The following PAK5 variants were observed in gnomAD, a reference collection of about 807,000 sequenced individuals.
PAK5 encodes the protein serine/threonine-protein kinase PAK 5.
Under a neutral mutation model 65.9 loss-of-function variants are expected in PAK5, and 16 were observed. The observed-to-expected ratio is 0.24, with a 90% CI of 0.16 to 0.37. The LOEUF (loss-of-function observed/expected upper bound fraction) is 0.37. Among genes scored for constraint, PAK5 ranks in the 10% least tolerant of loss-of-function variants. PAK5 has a pLI of 1.00. For synonymous variants in PAK5, 371 were observed against 354.9 expected (o/e 1.05, Z -0.51); for missense variants, 785 against 903.9 (o/e 0.87, Z 1.69).
At chr20:9,743,333 G>A (rs1460634159) in intron 1 of PAK5, among the ~76,000 whole-genome samples, 3 of 151,928 alleles carry the variant, frequency 2.0e-5, no homozygotes, top group Admixed American at 2.0e-4. Flanking sequence ...TTGTGCCACT[G>A]CACTCCAGCA....
chr20:9,829,906 T>G (rs1978570441), intron 1 of PAK5, among the ~76,000 whole-genome samples: 1 of 152,174 alleles, frequency 6.6e-6, no homozygotes, highest in Non-Finnish European at 1.5e-5. Flanking sequence ...CATCCCTTTC[T>G]CTTTCTACCA....
In PAK5 at chr20:9,538,165, T is replaced by A. The variant is rs2045200185; in HGVS notation, c.*1297A>T. ...ATCCAACAAGCAACACAAAATGTAT[T>A]GTAGTAGTCATTCATTTTTATCAAC... On this transcript the variant is annotated 3_prime_UTR_variant, in exon 10 of 10. Transcript: ENST00000353224. 1 of 233,332 alleles carries A rather than the reference T, an allele frequency of 4.3e-6. No individual in the cohort carries two copies. 14.5% of individuals were successfully genotyped at this position (233,332 alleles called of 1,614,324 possible). A position where few individuals can be genotyped will look rare whatever the true frequency, so the allele number is the denominator to read the frequency against.
intron 5 of PAK5, 68 bp downstream of exon 5, chr20:9,565,825 G>C: frequency 6.9e-7 from 1 of 1,454,142 alleles, no homozygotes; most frequent in African/African-American, 1.4e-5. Flanking sequence ...ATGTACATGT[G>C]TATAACTTTT....
chr20:9,584,603 G>A lies in PAK5; in HGVS notation c.205-3673C>T, dbSNP rs564381136. 3.7e-4 allele frequency among the ~76,000 whole-genome samples: 56 copies of A among 152,306 alleles called. 1 individual carries two copies. In the South Asian group the frequency reaches 6.4e-3, roughly 17 times the overall value. ...TGGGATTACAGGCGTGAGCCACAGC[G>A]CCTGGCCTTGTTTACCACTTCTCTA... On this transcript the variant is annotated intron_variant, in intron 3 of 9. Coordinates refer to ENST00000353224, the MANE Select transcript of PAK5 (RefSeq NM_177990.4).
At chr20:9,690,636 C>T (rs2047780513) in intron 2 of PAK5, among the ~76,000 whole-genome samples, 1 of 150,942 alleles carries the variant, frequency 6.6e-6, no homozygotes, top group African/African-American at 2.5e-5. Flanking sequence ...GCTTCCCACC[C>T]TGGATCTAGG....
chr20:9,556,477 G>A (rs1435436650), intron 7 of PAK5, among the ~76,000 whole-genome samples: 1 of 152,216 alleles, frequency 6.6e-6, no homozygotes, highest in East Asian at 1.9e-4. Context: ...CATTTTCCAT[G>A]TGGCAGGGGT....
intron 1 of PAK5, among the ~76,000 whole-genome samples, chr20:9,778,156 C>G (rs749909687): frequency 6.6e-6 from 1 of 152,100 alleles, no homozygotes; most frequent in Non-Finnish European, 1.5e-5. Flanking sequence ...CAATATCTCC[C>G]ATGTTCGTGT....
intron 1 of PAK5, among the ~76,000 whole-genome samples, chr20:9,815,556 T>G (rs1221063265): frequency 6.6e-6 from 1 of 152,134 alleles, no homozygotes; most frequent in Admixed American, 6.6e-5. Context: ...TTACTTTCAC[T>G]TGTCAAACTG....
chr20:9,551,402 A>C (rs1203029743), intron 7 of PAK5, among the ~76,000 whole-genome samples: 1 of 152,176 alleles, frequency 6.6e-6, no homozygotes, highest in African/African-American at 2.4e-5. Context: ...CAAGGACCAC[A>C]CAAGGAACTT....
intron 2 of PAK5, among the ~76,000 whole-genome samples, chr20:9,709,819 C>T (rs982855918): frequency 6.6e-6 from 1 of 152,150 alleles, no homozygotes; most frequent in African/African-American, 2.4e-5. Flanking sequence ...GTTGTCCACC[C>T]TCCAACAGTA....
Position 9,538,830 on chromosome 20 carries a change from A to T in PAK5, c.*632T>A, listed in dbSNP as rs1049388365. The T allele has an allele frequency of 6.0e-5, 14 of 233,170 alleles. No homozygotes were observed. The highest frequency in any genetic ancestry group is 2.5e-5 in the Non-Finnish European group (3 of 117,858). The allele number at this position is 233,170 out of a possible 1,614,324, so 14.4% of individuals were successfully genotyped here. ...TTAGGATAAGAAAGAGATTTTACTA[A>T]AGCTGACGGTGATTGAGAGTCATTC... On this transcript the variant is annotated 3_prime_UTR_variant, in exon 10 of 10. Transcript: ENST00000353224.
At chr20:9,553,977 T>C (rs566880156) in intron 7 of PAK5, among the ~76,000 whole-genome samples, 110 of 152,344 alleles carry the variant, frequency 7.2e-4, no homozygotes, top group African/African-American at 2.5e-3. Flanking sequence ...GAGCAGTGTA[T>C]GAATAAGTGT....
chr20:9,610,924 ATGGCCTTTGCCCCTTT>A (rs1027378203), intron 3 of PAK5, among the ~76,000 whole-genome samples: 2 of 152,218 alleles, frequency 1.3e-5, no homozygotes, highest in African/African-American at 4.8e-5. Context: ...ACGAGAGGAC[ATGGCCTTTGCCCCTTT>A]TGGCCTTTTT....
At chr20:9,600,094 G>T (rs2123102587) in intron 3 of PAK5, among the ~76,000 whole-genome samples, 1 of 152,216 alleles carries the variant, frequency 6.6e-6, no homozygotes, top group Non-Finnish European at 1.5e-5. Flanking sequence ...GGCGTTATTT[G>T]TTGAAAAGAT....
chr20:9,542,813 C>G, intron 8 of PAK5, 93 bp from the exon 9 acceptor site: 2 of 1,109,792 alleles, frequency 1.8e-6, no homozygotes, highest in Non-Finnish European at 2.6e-6. Flanking sequence ...TCACAAGTGA[C>G]TATGGCACTT....
chr20:9,572,228 A>C (rs374428459), intron 4 of PAK5, among the ~76,000 whole-genome samples: 1 of 152,322 alleles, frequency 6.6e-6, no homozygotes. Flanking sequence ...TTGTTACAAC[A>C]TCACTCAGGC....
chr20:9,572,764 G>T (rs991622840), intron 4 of PAK5, among the ~76,000 whole-genome samples: 11 of 152,212 alleles, frequency 7.2e-5, no homozygotes, highest in African/African-American at 2.4e-4. Context: ...GAGCAAGGGT[G>T]GGAAACTGCA....
chr20:9,715,814 T>C (rs1569055595), intron 1 of PAK5, among the ~76,000 whole-genome samples: 1 of 149,562 alleles, frequency 6.7e-6, no homozygotes, highest in South Asian at 2.1e-4. Flanking sequence ...CCAAACACCA[T>C]ATGTTCTCAC....
At chr20:9,555,040 C>A (rs150826282) in intron 7 of PAK5, among the ~76,000 whole-genome samples, 102 of 152,316 alleles carry the variant, frequency 6.7e-4, no homozygotes, top group Non-Finnish European at 1.0e-3. Flanking sequence ...GTATTTATCA[C>A]CCCTTGTTTG....
Sources: gnomAD v4.1 joint callset for allele counts (sites outside exome capture counted in the v4.1 genomes callset) on GRCh38, gnomAD v4.1.1 for gene constraint, MANE v1.5 for transcripts, NCBI Gene and HGNC (gene_info 2026-07-23, HGNC 2026-07-21) for gene names.